FGD4: variants seen among roughly 807,000 people sequenced by gnomAD.
FGD4 encodes FYVE, RhoGEF and PH domain-containing protein 4.
A neutral mutation model predicts 102.0 loss-of-function variants in FGD4; 42 were observed. That is an observed-to-expected ratio of 0.41 (90% CI 0.32 to 0.53). FGD4 has a LOEUF of 0.53. Among genes scored for constraint, FGD4 ranks in the 20% least tolerant of loss-of-function variants. The pLI is 0.21. For synonymous variants in FGD4, 380 were observed against 375.7 expected, an observed-to-expected ratio of 1.01 and a Z score of -0.13; for missense variants, 902 against 1,078.2, an observed-to-expected ratio of 0.84 and a Z score of 2.29.
At chr12:32,555,706 G>A (rs1388892098) in intron 1 of FGD4, among the ~76,000 whole-genome samples, 3 of 151,586 alleles carry the variant, frequency 2.0e-5, no homozygotes, top group Non-Finnish European at 4.4e-5. Context: ...CGAGTAGCTG[G>A]GACCACAGGC....
chr12:32,434,837 A>G (rs561625705), intron 1 of FGD4, among the ~76,000 whole-genome samples: 10 of 152,358 alleles, frequency 6.6e-5, no homozygotes, highest in Non-Finnish European at 1.3e-4. Context: ...AGTGTGCTAT[A>G]TATGAGTCAG....
At chr12:32,405,223 G>A (rs924423984) in intron 1 of FGD4, among the ~76,000 whole-genome samples, 13 of 148,856 alleles carry the variant, frequency 8.7e-5, no homozygotes, top group Non-Finnish European at 1.3e-4. Flanking sequence ...GTGAGCCACC[G>A]TGCCTGGCTC....
chr12:32,476,724 TAAAAG>T (rs1416377529), intron 1 of FGD4, among the ~76,000 whole-genome samples: 2 of 152,060 alleles, frequency 1.3e-5, no homozygotes, highest in African/African-American at 4.8e-5. Flanking sequence ...TAAAAAAACA[TAAAAG>T]AAGGTGCCTG....
At chr12:32,476,103 CG>C (rs1943579335) in intron 1 of FGD4, among the ~76,000 whole-genome samples, 1 of 152,056 alleles carries the variant, frequency 6.6e-6, no homozygotes, top group South Asian at 2.1e-4. Context: ...CTGTATGAAA[CG>C]GGTCTGCTGC....
chr12:32,621,472 G>T (rs1213843674), intron 11 of FGD4, among the ~76,000 whole-genome samples: 2 of 152,104 alleles, frequency 1.3e-5, no homozygotes, highest in East Asian at 1.9e-4. Flanking sequence ...TCCATCATTA[G>T]CTTATGTTTC....
At chr12:32,461,320 C>G (rs541232755) in intron 1 of FGD4, among the ~76,000 whole-genome samples, 12 of 152,116 alleles carry the variant, frequency 7.9e-5, no homozygotes, top group African/African-American at 2.9e-4. Context: ...TTTCATGGTC[C>G]TGTATGATTC....
At chr12:32,581,719 T>C (rs986510642) in intron 3 of FGD4, among the ~76,000 whole-genome samples, 1 of 152,128 alleles carries the variant, frequency 6.6e-6, no homozygotes, top group Non-Finnish European at 1.5e-5. Flanking sequence ...CCCAAGGAAA[T>C]GTTCCAGTCC....
At chr12:32,473,418 G>C (rs113966287) in intron 1 of FGD4, among the ~76,000 whole-genome samples, 2 of 152,150 alleles carry the variant, frequency 1.3e-5, no homozygotes, top group African/African-American at 4.8e-5. Context: ...CTGGGGGGAA[G>C]GAACAACTCC....
intron 4 of FGD4, among the ~76,000 whole-genome samples, chr12:32,584,338 A>G (rs1946838196): frequency 6.6e-6 from 1 of 152,222 alleles, no homozygotes; most frequent in Non-Finnish European, 1.5e-5. Context: ...CCTAAATGCA[A>G]ACATACATCT....
chr12:32,624,874 T>C, intron 12 of FGD4, 102 bp from the exon 13 acceptor site: 1 of 1,020,898 alleles, frequency 9.8e-7, no homozygotes, highest in East Asian at 2.4e-5. Context: ...GTTCACTTAA[T>C]TTTCAAAGTG....
chr12:32,502,266 G>A, intron 1 of FGD4: 1 of 985,438 alleles, frequency 1.0e-6, no homozygotes, highest in African/African-American at 1.7e-5. Flanking sequence ...CTCGCTGGAA[G>A]AACAAATGAA....
At chr12:32,482,424 C>G (rs2136549219) in intron 1 of FGD4, among the ~76,000 whole-genome samples, 1 of 152,316 alleles carries the variant, frequency 6.6e-6, no homozygotes, top group African/African-American at 2.4e-5. Flanking sequence ...GTTTAGCAAC[C>G]AGACCTTAAA....
chr12:32,480,230 T>C (rs1011224981), intron 1 of FGD4, among the ~76,000 whole-genome samples: 12 of 151,576 alleles, frequency 7.9e-5, no homozygotes, highest in African/African-American at 2.7e-4. Context: ...GGCATGATCT[T>C]GGCTCACTGC....
intron 1 of FGD4, among the ~76,000 whole-genome samples, chr12:32,444,672 T>C (rs1942561004): frequency 6.6e-6 from 1 of 152,176 alleles, no homozygotes; most frequent in Non-Finnish European, 1.5e-5. Context: ...CCTAAAGTGC[T>C]GAGATTATAG....
chr12:32,542,410 A>G lies in FGD4; in HGVS notation c.167-21727A>G, dbSNP rs142852279. ...ATCTATTTTCCCTTTTGTGAAGAGA[A>G]ACATTTGTTCACCCTTGGTTACTTG... On this transcript the variant is annotated intron_variant, in intron 1 of 16. Coordinates refer to ENST00000534526, the MANE Select transcript of FGD4 (RefSeq NM_001370298.3). Among the ~76,000 whole-genome samples, 252 of 152,356 alleles carry G rather than the reference A, an allele frequency of 1.7e-3. No homozygotes were observed. In the Middle Eastern group the frequency reaches 0.027, roughly 16 times the overall value.
chr12:32,616,488 G>A (rs955149828), intron 10 of FGD4, among the ~76,000 whole-genome samples: 12 of 152,216 alleles, frequency 7.9e-5, no homozygotes, highest in African/African-American at 2.9e-4. Flanking sequence ...CCAGTGTCAT[G>A]TTGGTTCTTT....
At chr12:32,424,678 C>A (rs1233449813) in intron 1 of FGD4, among the ~76,000 whole-genome samples, 2 of 152,150 alleles carry the variant, frequency 1.3e-5, no homozygotes, top group East Asian at 3.9e-4. Context: ...CTAATTTACA[C>A]TCCCACCAAC....
chr12:32,504,846 C>T (rs1435147034), intron 1 of FGD4, among the ~76,000 whole-genome samples: 12 of 152,192 alleles, frequency 7.9e-5, no homozygotes, highest in Non-Finnish European at 1.6e-4. Flanking sequence ...CTTCCTTTGA[C>T]ACATTATGCC....
intron 1 of FGD4, among the ~76,000 whole-genome samples, chr12:32,454,072 A>T (rs1454379110): frequency 6.7e-6 from 1 of 148,996 alleles, no homozygotes; most frequent in Non-Finnish European, 1.5e-5. Context: ...GAAATGATTA[A>T]AAAAAAAAAG....
Sources: gnomAD v4.1 joint callset for allele counts (sites outside exome capture counted in the v4.1 genomes callset) on GRCh38, gnomAD v4.1.1 for gene constraint, MANE v1.5 for transcripts, NCBI Gene and HGNC (gene_info 2026-07-23, HGNC 2026-07-21) for gene names.